EBF3: variants seen among roughly 807,000 people sequenced by gnomAD.
EBF3 encodes the protein transcription factor COE3.
In EBF3, 18 loss-of-function variants were observed where a neutral mutation model predicts 77.1. That is an observed-to-expected ratio of 0.23 (90% confidence interval 0.16 to 0.35). EBF3 has a LOEUF of 0.35. EBF3 is among the 10% of genes least tolerant of loss of function. The pLI is 1.00. For missense variants in EBF3, 558 were observed against 860.0 expected, an observed-to-expected ratio of 0.65 and a Z score of 4.39; for synonymous variants, 350 against 343.5, an observed-to-expected ratio of 1.02 and a Z score of -0.21.
intron 10 of EBF3, among the ~76,000 whole-genome samples, chr10:129,853,499 A>C (rs1272763256): frequency 6.6e-6 from 1 of 152,240 alleles, no homozygotes; most frequent in African/African-American, 2.4e-5. Flanking sequence ...GATCCTCGTA[A>C]TGAGGCAGTT....
intron 6 of EBF3, among the ~76,000 whole-genome samples, chr10:129,939,197 T>C (rs1008613337): frequency 6.6e-6 from 1 of 152,216 alleles, no homozygotes; most frequent in Non-Finnish European, 1.5e-5. Flanking sequence ...CCAAACTGTG[T>C]TCGAGCACAC....
intron 6 of EBF3, among the ~76,000 whole-genome samples, chr10:129,955,065 T>A (rs192043875): frequency 6.3e-4 from 96 of 152,302 alleles, no homozygotes; most frequent in African/African-American, 2.2e-3. Context: ...ATTCTTCATT[T>A]TTTTCACGTA....
chr10:129,847,284 A>G (rs761319283), intron 11 of EBF3, among the ~76,000 whole-genome samples: 5 of 152,154 alleles, frequency 3.3e-5, no homozygotes, highest in Non-Finnish European at 7.4e-5. Flanking sequence ...AATCCTGCAC[A>G]CAAAGCCAGC....
At chr10:129,937,329 C>A (rs547624047) in intron 6 of EBF3, among the ~76,000 whole-genome samples, 20 of 152,174 alleles carry the variant, frequency 1.3e-4, no homozygotes, top group African/African-American at 4.8e-4. Context: ...CTCAGGACAC[C>A]CCAAATCTAG....
rs1411403439 is a variant in EBF3, at chr10:129,867,131, G to A, written c.1039+10C>T. On this transcript the variant is annotated intron_variant, in intron 10 of 16. Coordinates refer to ENST00000440978, the MANE Select transcript of EBF3 (RefSeq NM_001375380.1). ...CCGCTTTCCCGCAGAAGCTGGAGCT[G>A]TGAACTCACCGGTGTAGACAAAGCG... is the stretch of plus-strand genomic sequence containing the variant. 1.2e-6 allele frequency: 2 copies of A among 1,611,562 alleles called. No homozygotes were observed. The highest frequency in any genetic ancestry group is 8.5e-7 in the Non-Finnish European group (1 of 1,179,002).
Position 129,943,012 on chromosome 10 carries a change from T to TTCTCTGG in EBF3, c.554+14239_554+14245dup, listed in dbSNP as rs1333495514. 2.0e-5 allele frequency among the ~76,000 whole-genome samples: 3 copies of TTCTCTGG among 152,216 alleles called. No homozygotes were observed. Among genetic ancestry groups the TTCTCTGG allele is most frequent in the African/African-American group, 7.2e-5 (3 of 41,456 alleles). ...ATGTACTGCTTTCTAATGGGTGTTT[T>TTCTCTGG]TCTCTGGATTCTAAGAGGAAGGTAG... is the stretch of plus-strand genomic sequence containing the variant. On this transcript the variant is annotated intron_variant, in intron 6 of 16. Transcript: ENST00000440978. The surrounding 1 kb of genome is among the most constrained non-coding windows in gnomAD (Gnocchi z 8.8).
intron 6 of EBF3, among the ~76,000 whole-genome samples, chr10:129,950,185 T>TACA (rs942705931): frequency 6.6e-6 from 1 of 152,182 alleles, no homozygotes; most frequent in African/African-American, 2.4e-5. Context: ...CTCCATGTCC[T>TACA]ACAACAACAC....
In EBF3 at chr10:129,963,105, T is replaced by C; in HGVS notation, c.292-100A>G. 1 of 1,448,130 alleles carries C rather than the reference T, an allele frequency of 6.9e-7. No homozygotes were observed. Among genetic ancestry groups the C allele is most frequent in the Non-Finnish European group, 9.7e-7 (1 of 1,031,006 alleles). 89.7% of individuals were successfully genotyped at this position (1,448,130 alleles called of 1,614,324 possible). The stretch of plus-strand genomic sequence containing the variant: ...CGACCGAGGCTCTCGGCCTCACACA[T>C]GGCAGGATTCCTAGCTCGAAGCAGC... On this transcript the variant is annotated intron_variant, in intron 2 of 16. Transcript: ENST00000440978. The surrounding 1 kb of genome is among the most constrained non-coding windows in gnomAD (Gnocchi z 7.1).
At chr10:129,849,791 T>C (rs1249443039) in intron 10 of EBF3, among the ~76,000 whole-genome samples, 1 of 152,254 alleles carries the variant, frequency 6.6e-6, no homozygotes. Context: ...TTACATGACA[T>C]GGCTTTTGCT....
Position 129,935,244 on chromosome 10 carries a change from C to T in EBF3, c.554+22014G>A, listed in dbSNP as rs1212654902. Among the ~76,000 whole-genome samples the T allele has an allele frequency of 2.6e-5, 4 of 152,138 alleles. No individual in the cohort carries two copies. The highest frequency in any genetic ancestry group is 4.1e-4 in the South Asian group (2 of 4,822). ...GTCCCACTCGCACCTGTCACAGCAGCCACTGTGGCCCATGGCTGTCCCAGC... is the reference window on the plus strand; with the variant it reads ...GTCCCACTCGCACCTGTCACAGCAGTCACTGTGGCCCATGGCTGTCCCAGC... On this transcript the variant is annotated intron_variant, in intron 6 of 16. Transcript: ENST00000440978. The surrounding 1 kb of genome is among the most constrained non-coding windows in gnomAD (Gnocchi z 4.2).
chr10:129,849,274 G>A (rs1193470684), intron 10 of EBF3, among the ~76,000 whole-genome samples: 2 of 152,146 alleles, frequency 1.3e-5, no homozygotes, highest in Non-Finnish European at 2.9e-5. Context: ...GGAGGCCCGG[G>A]GACACGAGTT....
chr10:129,898,318 G>A (rs1854537508), intron 6 of EBF3, among the ~76,000 whole-genome samples: 1 of 152,182 alleles, frequency 6.6e-6, no homozygotes, highest in Non-Finnish European at 1.5e-5. Flanking sequence ...CGGGGTCCCG[G>A]GTTTACGGGG....
chr10:129,878,823 CAAAAAAAA>C (rs10654202), intron 6 of EBF3, among the ~76,000 whole-genome samples: 9 of 58,758 alleles, frequency 1.5e-4, no homozygotes, highest in South Asian at 8.8e-4. Flanking sequence ...AAATCGGTCT[CAAAAAAAA>C]AAAAAAAAAA....
rs560767688 is a variant in EBF3 at position 129,937,498 on chromosome 10, C to G, written c.554+19760G>C. Among the ~76,000 whole-genome samples the G allele has an allele frequency of 6.2e-4, 94 of 152,270 alleles. 1 individual carries two copies. In the South Asian group the frequency reaches 6.8e-3, roughly 11 times the overall value. On this transcript the variant is annotated intron_variant, in intron 6 of 16. Transcript: ENST00000440978. ...AAGACACACCAGCGCTGCCCCAAGC[C>G]CACACAACCTGTGGGGGTCTGCAAG...
Position 129,942,406 on chromosome 10 carries a change from A to G in EBF3, c.554+14852T>C, listed in dbSNP as rs186338119. Among the ~76,000 whole-genome samples the G allele has an allele frequency of 3.0e-3, 451 of 152,366 alleles. 4 individuals are homozygous for G. The Middle Eastern group carries it at 0.037, about 13-fold the overall frequency. ...TACTGACGCTGGGGGAAAGGCCTACAGTTAGGTAAATGCCAAACAAAACAA... is the reference window on the plus strand; with the variant it reads ...TACTGACGCTGGGGGAAAGGCCTACGGTTAGGTAAATGCCAAACAAAACAA... On this transcript the variant is annotated intron_variant, in intron 6 of 16. Coordinates refer to ENST00000440978, the MANE Select transcript of EBF3 (RefSeq NM_001375380.1).
At position 129,871,235 on chromosome 10, in the gene EBF3, G is replaced by C. The variant is rs555125599; in HGVS notation, c.781+2217C>G. Among the ~76,000 whole-genome samples, 192 of 152,320 alleles carry C rather than the reference G, an allele frequency of 1.3e-3. 1 individual carries two copies. Among genetic ancestry groups the C allele is most frequent in the Middle Eastern group, 3.4e-3 (1 of 294 alleles). On this transcript the variant is annotated intron_variant, in intron 8 of 16. Coordinates refer to ENST00000440978, the MANE Select transcript of EBF3 (RefSeq NM_001375380.1). ...AACAGGGTTGGAGTCGTTTACGAGGGGACAAGTGACAAGGAAAAAAAATTA... is the reference window on the plus strand; with the variant it reads ...AACAGGGTTGGAGTCGTTTACGAGGCGACAAGTGACAAGGAAAAAAAATTA...
At chr10:129,867,551 T>C (rs1009246101) in intron 9 of EBF3, among the ~76,000 whole-genome samples, 2 of 152,198 alleles carry the variant, frequency 1.3e-5, no homozygotes, top group Non-Finnish European at 2.9e-5. Flanking sequence ...CTAGCACTAA[T>C]TGTTCCAGTG....
chr10:129,912,447 A>C (rs1855592724), intron 6 of EBF3, among the ~76,000 whole-genome samples: 1 of 152,168 alleles, frequency 6.6e-6, no homozygotes, highest in African/African-American at 2.4e-5. Flanking sequence ...AAAAAACAAC[A>C]AACAGATCTC....
chr10:129,891,602 A>G (rs1315228558), intron 6 of EBF3, among the ~76,000 whole-genome samples: 1 of 152,218 alleles, frequency 6.6e-6, no homozygotes, highest in Non-Finnish European at 1.5e-5. Context: ...AGTTAAATGA[A>G]CTATCTGCAA....
Sources: gnomAD v4.1 joint callset for allele counts (sites outside exome capture counted in the v4.1 genomes callset) on GRCh38, gnomAD v4.1.1 for gene constraint, Gnocchi (gnomAD v3.1) non-coding constraint, MANE v1.5 for transcripts, NCBI Gene and HGNC (gene_info 2026-07-23, HGNC 2026-07-21) for gene names.